Variants in CDH4 observed in about 807,000 individuals in gnomAD.
The protein encoded by CDH4 is cadherin 4.
In CDH4, 33 loss-of-function variants were observed where a neutral mutation model predicts 86.0. The ratio of observed to expected loss-of-function variants is 0.38; its 90% CI spans 0.29 to 0.51. The LOEUF (loss-of-function observed/expected upper bound fraction) is 0.51, where lower values mean the gene tolerates loss of function less well. CDH4 is among the 20% of genes least tolerant of loss of function. The pLI is 0.86. For synonymous variants in CDH4, 555 were observed against 549.4 expected (o/e 1.01, Z -0.14); for missense variants, 1,114 against 1,307.4 (o/e 0.85, Z 2.28).
chr20:61,420,458 G>A (rs1343249213), intron 2 of CDH4, among the ~76,000 whole-genome samples: 3 of 152,236 alleles, frequency 2.0e-5, no homozygotes, highest in African/African-American at 7.2e-5. Flanking sequence ...CCAGGGGTGG[G>A]AAGATCTCAC....
chr20:61,883,393 G>A (rs1321382411), intron 7 of CDH4, among the ~76,000 whole-genome samples: 2 of 152,228 alleles, frequency 1.3e-5, no homozygotes, highest in African/African-American at 4.8e-5. Flanking sequence ...TGGGCAAGTG[G>A]TGGTATCTGT....
chr20:61,383,106 TTATA>T lies in CDH4; in HGVS notation c.169+128174_169+128177del, dbSNP rs1302657337. Among the ~76,000 whole-genome samples, 2 of 94,424 alleles carry T rather than the reference TTATA, an allele frequency of 2.1e-5. 1 individual carries two copies. The highest frequency in any genetic ancestry group is 5.1e-4 in the East Asian group (2 of 3,934). 61.9% of individuals were successfully genotyped at this position (94,424 alleles called of 152,430 possible). The stretch of plus-strand genomic sequence containing the variant: ...ATATATGAATATATATATGAATATA[TTATA>T]TATAGAATATATATGAATATATTAT... On this transcript the variant is annotated intron_variant, in intron 2 of 15. Coordinates refer to ENST00000614565, the MANE Select transcript of CDH4 (RefSeq NM_001794.5).
intron 3 of CDH4, among the ~76,000 whole-genome samples, chr20:61,757,071 TGAC>T (rs1381575313): frequency 6.6e-6 from 1 of 152,238 alleles, no homozygotes; most frequent in African/African-American, 2.4e-5. Context: ...GTTTTGAAGA[TGAC>T]GAGCTATTTT....
intron 2 of CDH4, among the ~76,000 whole-genome samples, chr20:61,637,193 CAAGCACCCTCTCCCAG>C (rs1228848689): frequency 6.6e-6 from 1 of 152,186 alleles, no homozygotes. Flanking sequence ...ACAGGGGTCC[CAAGCACCCTCTCCCAG>C]GAAAGGGGCA....
chr20:61,721,864 C>G (rs963025270), intron 2 of CDH4, among the ~76,000 whole-genome samples: 1 of 152,152 alleles, frequency 6.6e-6, no homozygotes, highest in Non-Finnish European at 1.5e-5. Flanking sequence ...CTGCAGGACC[C>G]GGCCCGCTGT....
At chr20:61,896,176 C>CCAGGGTGCAGA (rs933351586) in intron 8 of CDH4, among the ~76,000 whole-genome samples, 5 of 152,200 alleles carry the variant, frequency 3.3e-5, no homozygotes, top group African/African-American at 1.2e-4. Flanking sequence ...CAGGGTACAG[C>CCAGGGTGCAGA]CAGGGTGCAG....
At chr20:61,555,968 A>G (rs1316520776) in intron 2 of CDH4, among the ~76,000 whole-genome samples, 3 of 152,224 alleles carry the variant, frequency 2.0e-5, no homozygotes, top group African/African-American at 4.8e-5. Context: ...TTAAAGAAAG[A>G]CAGCACATTG....
chr20:61,659,884 T>G (rs1283216610), intron 2 of CDH4, among the ~76,000 whole-genome samples: 1 of 152,146 alleles, frequency 6.6e-6, no homozygotes, highest in Admixed American at 6.5e-5. Context: ...AGGAAGCAGC[T>G]CCACCTTCTC....
chr20:61,913,085 T>A (rs1307608793), intron 9 of CDH4, among the ~76,000 whole-genome samples: 5 of 151,988 alleles, frequency 3.3e-5, no homozygotes, highest in African/African-American at 1.2e-4. Flanking sequence ...TATCTCTGAC[T>A]CCCACAGCTC....
chr20:61,610,701 TG>T (rs1204917682), intron 2 of CDH4, among the ~76,000 whole-genome samples: 1 of 152,188 alleles, frequency 6.6e-6, no homozygotes, highest in Non-Finnish European at 1.5e-5. Context: ...CAAGTGTTCT[TG>T]ATGCCTGTGG....
chr20:61,595,830 A>T (rs2086553536), intron 2 of CDH4, among the ~76,000 whole-genome samples: 2 of 152,250 alleles, frequency 1.3e-5, no homozygotes, highest in Admixed American at 1.3e-4. Context: ...ATCAGGGACC[A>T]GGCTCCAGTG....
At chr20:61,777,350 T>C (rs1341044628) in intron 4 of CDH4, among the ~76,000 whole-genome samples, 1 of 152,206 alleles carries the variant, frequency 6.6e-6, no homozygotes, top group Non-Finnish European at 1.5e-5. Context: ...GCAGTTGGAA[T>C]TTGGCAGAAA....
intron 2 of CDH4, among the ~76,000 whole-genome samples, chr20:61,456,444 A>G (rs1295119945): frequency 2.6e-5 from 4 of 152,166 alleles, no homozygotes; most frequent in African/African-American, 9.7e-5. Flanking sequence ...AGTTTTCACA[A>G]AGCAGGGGAG....
chr20:61,257,786 C>T (rs1357681776), intron 2 of CDH4, among the ~76,000 whole-genome samples: 7 of 152,234 alleles, frequency 4.6e-5, no homozygotes, highest in Non-Finnish European at 7.3e-5. Flanking sequence ...GAAGCTGCAG[C>T]CTGGTACGGT....
chr20:61,888,942 G>A (rs1725381089), intron 7 of CDH4, among the ~76,000 whole-genome samples: 1 of 152,220 alleles, frequency 6.6e-6, no homozygotes, highest in African/African-American at 2.4e-5. Flanking sequence ...CACGCAGTGT[G>A]ACACCAGTCA....
chr20:61,504,402 T>C (rs2085725737), intron 2 of CDH4, among the ~76,000 whole-genome samples: 1 of 152,250 alleles, frequency 6.6e-6, no homozygotes, highest in African/African-American at 2.4e-5. Flanking sequence ...ATGCTTGGGA[T>C]GGCTCCTTAA....
chr20:61,397,836 G>A (rs1025935579), intron 2 of CDH4, among the ~76,000 whole-genome samples: 3 of 152,182 alleles, frequency 2.0e-5, no homozygotes, highest in Admixed American at 6.5e-5. Flanking sequence ...AGATTCCCAT[G>A]TGCCCTGAAG....
Position 61,708,607 on chromosome 20 carries a change from C to T in CDH4, c.170-34956C>T, listed in dbSNP as rs968294510. Among the ~76,000 whole-genome samples the T allele has an allele frequency of 3.3e-5, 5 of 152,146 alleles. No individual in the cohort carries two copies. The highest frequency in any genetic ancestry group is 1.3e-4 in the Admixed American group (2 of 15,272). ...CCTCCAGCCTCATGCCCCTTGTAGA[C>T]CCTCTCCACCCTCCTGTGCCTGGAG... On this transcript the variant is annotated intron_variant, in intron 2 of 15. Transcript: ENST00000614565. The surrounding 1 kb of genome is among the most constrained non-coding windows in gnomAD (Gnocchi z 4.5).
chr20:61,873,721 G>C lies in CDH4; in HGVS notation c.878-7G>C, dbSNP rs372234251. ...CATCCCCATCTGAGCTGCTGTCTCCGTTCCAGGCACCTACGTGATGACCGT... is the reference window on the plus strand; with the variant it reads ...CATCCCCATCTGAGCTGCTGTCTCCCTTCCAGGCACCTACGTGATGACCGT... On this transcript the variant is annotated splice_region_variant and splice_polypyrimidine_tract_variant and intron_variant, in intron 6 of 15. Transcript: ENST00000614565. The C allele has an allele frequency of 6.2e-7, 1 of 1,611,628 alleles. No individual in the cohort carries two copies. Among genetic ancestry groups the C allele is most frequent in the Non-Finnish European group, 8.5e-7 (1 of 1,179,450 alleles).
Sources: gnomAD v4.1 joint callset for allele counts (sites outside exome capture counted in the v4.1 genomes callset) on GRCh38, gnomAD v4.1.1 for gene constraint, Gnocchi (gnomAD v3.1) non-coding constraint, MANE v1.5 for transcripts, NCBI Gene and HGNC (gene_info 2026-07-23, HGNC 2026-07-21) for gene names.